The following DPYD variants were observed in gnomAD, a reference collection of about 807,000 sequenced individuals.
DPYD encodes dihydropyrimidine dehydrogenase [NADP(+)].
DPYD carries 109 observed loss-of-function variants against 116.2 expected under a neutral mutation model. The observed-to-expected ratio is 0.94, with a 90% confidence interval of 0.80 to 1.10. The LOEUF (loss-of-function observed/expected upper bound fraction) is 1.10, where lower values mean the gene tolerates loss of function less well. DPYD is among the 50% of genes least tolerant of loss of function. The probability of loss-of-function intolerance (pLI) is 0.00; values close to 1 mark genes in which losing one functional copy is unlikely to be tolerated. For synonymous variants in DPYD, 440 were observed against 432.0 expected (o/e 1.02, Z -0.23); for missense variants, 1,302 against 1,254.5 (o/e 1.04, Z -0.57).
chr1:97,490,129 A>G (rs972388523), intron 13 of DPYD, among the ~76,000 whole-genome samples: 6 of 151,916 alleles, frequency 3.9e-5, no homozygotes, highest in African/African-American at 1.2e-4. Flanking sequence ...TATATGAAAG[A>G]TGCTTAAAAT....
chr1:97,502,290 C>A (rs1053936367), intron 13 of DPYD, among the ~76,000 whole-genome samples: 1 of 152,024 alleles, frequency 6.6e-6, no homozygotes, highest in Non-Finnish European at 1.5e-5. Flanking sequence ...TCTGCATTAT[C>A]TAAACTTTGC....
chr1:97,150,795 G>A (rs1345065249), intron 20 of DPYD, among the ~76,000 whole-genome samples: 1 of 152,088 alleles, frequency 6.6e-6, no homozygotes, highest in Non-Finnish European at 1.5e-5. Flanking sequence ...TAACCATCCT[G>A]TTCTTCTTTA....
intron 20 of DPYD, among the ~76,000 whole-genome samples, chr1:97,143,988 A>T (rs2101701451): frequency 6.6e-6 from 1 of 152,264 alleles, no homozygotes; most frequent in East Asian, 1.9e-4. Context: ...CAAGGAAATT[A>T]TTATTCTTGC....
At chr1:97,540,348 G>T (rs959589446) in intron 12 of DPYD, among the ~76,000 whole-genome samples, 1 of 134,912 alleles carries the variant, frequency 7.4e-6, no homozygotes, top group Non-Finnish European at 1.6e-5. Context: ...TGGGGGTGGC[G>T]GCGGGGCAGG....
At chr1:97,091,790 C>A (rs897042668) in intron 21 of DPYD, among the ~76,000 whole-genome samples, 3 of 152,164 alleles carry the variant, frequency 2.0e-5, no homozygotes, top group Non-Finnish European at 4.4e-5. Context: ...AATCCCTTGC[C>A]TGGACTGTTA....
intron 4 of DPYD, among the ~76,000 whole-genome samples, chr1:97,738,692 T>G (rs1398901008): frequency 8.7e-6 from 1 of 115,476 alleles, no homozygotes; most frequent in African/African-American, 3.6e-5. Context: ...ATTAGGAGAG[T>G]TTTTTTTTTT....
At chr1:97,610,649 T>C (rs535175810) in intron 8 of DPYD, among the ~76,000 whole-genome samples, 1 of 152,160 alleles carries the variant, frequency 6.6e-6, no homozygotes, top group Admixed American at 6.6e-5. Context: ...TATGATCAAA[T>C]AACTACAGAA....
chr1:97,351,938 T>G (rs1472575387), intron 16 of DPYD, among the ~76,000 whole-genome samples: 1 of 152,158 alleles, frequency 6.6e-6, no homozygotes, highest in Admixed American at 6.5e-5. Flanking sequence ...TCAATTTAAT[T>G]CAGCTACTGC....
At chr1:97,505,414 C>T (rs1170185572) in intron 13 of DPYD, among the ~76,000 whole-genome samples, 2 of 150,496 alleles carry the variant, frequency 1.3e-5, no homozygotes, top group Non-Finnish European at 3.0e-5. Flanking sequence ...TATCCCTTCT[C>T]CCTAGAATAA....
chr1:97,120,988 A>G (rs912231855), intron 20 of DPYD, among the ~76,000 whole-genome samples: 3 of 152,200 alleles, frequency 2.0e-5, no homozygotes, highest in African/African-American at 7.2e-5. Context: ...TAAGTAATAA[A>G]TAACACTGTG....
intron 10 of DPYD, among the ~76,000 whole-genome samples, chr1:97,592,582 T>C (rs1431303250): frequency 6.6e-6 from 1 of 152,192 alleles, no homozygotes; most frequent in African/African-American, 2.4e-5. Context: ...TTAGTCAGGA[T>C]GGTCTTGATC....
chr1:97,316,518 A>ACATACAATAC (rs1667857781), intron 16 of DPYD, among the ~76,000 whole-genome samples: 1 of 51,660 alleles, frequency 1.9e-5, no homozygotes, highest in Admixed American at 1.5e-4. Flanking sequence ...TGTCTCAATA[A>ACATACAATAC]AATAAAATAA....
rs189011305 is a variant in DPYD, at chr1:97,478,272, C to T, written c.1741-28049G>A. ...AAGAGTACAGGTAGAGTAGATTTAG[C>T]GTAATTCTTTTCTTTCCTTTTCTTT... On this transcript the variant is annotated intron_variant, in intron 13 of 22. Transcript: ENST00000370192. Among the ~76,000 whole-genome samples, 54 of 152,034 alleles carry T rather than the reference C, an allele frequency of 3.6e-4. No individual in the cohort carries two copies. In the East Asian group the frequency reaches 9.1e-3, roughly 26 times the overall value.
chr1:97,919,596 A>G (rs1674396909), intron 1 of DPYD, among the ~76,000 whole-genome samples: 1 of 152,208 alleles, frequency 6.6e-6, no homozygotes, highest in Admixed American at 6.5e-5. Context: ...AATTTTTTAA[A>G]AAGTTAAGTC....
intron 15 of DPYD, among the ~76,000 whole-genome samples, chr1:97,378,473 G>T (rs1358325478): frequency 6.6e-6 from 1 of 152,128 alleles, no homozygotes; most frequent in African/African-American, 2.4e-5. Flanking sequence ...TGGTCACTTG[G>T]TTTTAATGCC....
intron 19 of DPYD, among the ~76,000 whole-genome samples, chr1:97,202,363 C>A (rs1308873395): frequency 6.6e-6 from 1 of 152,032 alleles, no homozygotes; most frequent in Non-Finnish European, 1.5e-5. Flanking sequence ...AAAATTTCCC[C>A]CTTTTCCTCC....
chr1:97,404,848 T>C (rs1673563737), intron 14 of DPYD, among the ~76,000 whole-genome samples: 1 of 152,074 alleles, frequency 6.6e-6, no homozygotes, highest in Non-Finnish European at 1.5e-5. Flanking sequence ...TTTTTCTCTG[T>C]TCCTATTTTG....
chr1:97,450,366 G>C (rs1676345418), intron 13 of DPYD, 143 bp from the exon 14 acceptor site: 2 of 804,214 alleles, frequency 2.5e-6, no homozygotes, highest in South Asian at 2.0e-5. Flanking sequence ...CATTAAATTA[G>C]AATTGAACAT....
intron 9 of DPYD, among the ~76,000 whole-genome samples, chr1:97,593,879 A>G (rs1270759309): frequency 2.0e-5 from 3 of 152,166 alleles, no homozygotes; most frequent in Admixed American, 6.5e-5. Context: ...CGTGCTGAAT[A>G]AGTGTCCTTT....
Sources: allele counts gnomAD v4.1 joint callset (sites outside exome capture counted in the v4.1 genomes callset), GRCh38; gene constraint gnomAD v4.1.1; transcripts MANE v1.5; gene names NCBI Gene and HGNC (gene_info 2026-07-23, HGNC 2026-07-21).